Variants in FAM13A observed in about 807,000 individuals in gnomAD.
FAM13A encodes the protein protein FAM13A.
A neutral mutation model predicts 129.6 loss-of-function variants in FAM13A; 76 were observed. The ratio of observed to expected loss-of-function variants is 0.59; its 90% CI spans 0.49 to 0.71. The LOEUF is 0.71. FAM13A is among the 30% of genes least tolerant of loss of function. The pLI, the probability that FAM13A is intolerant of heterozygous loss-of-function variation, is 0.00. For missense variants in FAM13A, 1,108 were observed against 1,249.3 expected, an observed-to-expected ratio of 0.89 and a Z score of 1.70; for synonymous variants, 443 against 449.9, an observed-to-expected ratio of 0.98 and a Z score of 0.20.
At chr4:88,902,625 A>G (rs995971349) in intron 6 of FAM13A, among the ~76,000 whole-genome samples, 1 of 152,228 alleles carries the variant, frequency 6.6e-6, no homozygotes. Context: ...AATAAGAGCC[A>G]TATATGACAA....
At chr4:88,768,154 G>A (rs1245907749) in intron 11 of FAM13A, 95 bp from the exon 12 acceptor site, 4 of 655,602 alleles carry the variant, frequency 6.1e-6, no homozygotes, top group Middle Eastern at 2.8e-4. Flanking sequence ...CAAATAATAT[G>A]TATATATAAA....
chr4:89,027,203 A>G (rs559149238), intron 2 of FAM13A, among the ~76,000 whole-genome samples: 2 of 152,354 alleles, frequency 1.3e-5, no homozygotes, highest in South Asian at 4.1e-4. Flanking sequence ...ATTAACAACA[A>G]TAACTAATAA....
At position 88,758,833 on chromosome 4, in the gene FAM13A, G is replaced by C. The variant is rs201591729; in HGVS notation, c.1647C>G (p.Ala549=). ...SDTKQQRNQD[A]GDQEESFVSE... is the part of the protein sequence containing the mutation. ...AGACAAAGCTCTCCTCCTGGTCACC[G>C]GCATCTTGATTTCTCTGCTGTTTGG... Residue 549 remains alanine, a synonymous_variant, in exon 14 of 24, where the codon GCC becomes GCG. Transcript: ENST00000264344. 9 of 1,613,910 alleles carry C rather than the reference G, an allele frequency of 5.6e-6. No homozygotes were observed. The highest frequency in any genetic ancestry group is 7.6e-6 in the Non-Finnish European group (9 of 1,179,882).
intron 6 of FAM13A, chr4:88,855,560 AG>A (rs1411372792): frequency 6.6e-6 from 1 of 152,178 alleles, no homozygotes; most frequent in African/African-American, 2.4e-5. Context: ...AAAAGGAGGT[AG>A]ATATATACCT....
intron 10 of FAM13A, among the ~76,000 whole-genome samples, chr4:88,781,991 G>A (rs551860752): frequency 5.7e-4 from 74 of 128,796 alleles, no homozygotes; most frequent in Admixed American, 4.8e-3. Context: ...AAAGTATAAT[G>A]ATAATAAAAT....
intron 6 of FAM13A, among the ~76,000 whole-genome samples, chr4:88,881,859 CA>C (rs1743631547): frequency 6.6e-6 from 1 of 151,956 alleles, no homozygotes; most frequent in African/African-American, 2.4e-5. Context: ...GCGATAGAAT[CA>C]AACAGGTAGA....
intron 7 of FAM13A, among the ~76,000 whole-genome samples, chr4:88,808,916 T>A (rs1000554607): frequency 1.3e-5 from 2 of 152,160 alleles, no homozygotes; most frequent in African/African-American, 4.8e-5. Context: ...CATATAGACC[T>A]AAATAACAGT....
At chr4:88,991,205 A>C in intron 3 of FAM13A, 55 bp from the exon 4 acceptor site, 1 of 1,359,046 alleles carries the variant, frequency 7.4e-7, no homozygotes, top group African/African-American at 1.5e-5. Context: ...TAACAACAAC[A>C]AAAGCCCATA....
intron 7 of FAM13A, among the ~76,000 whole-genome samples, chr4:88,837,253 C>A (rs867876476): frequency 1.8e-4 from 27 of 151,472 alleles, no homozygotes; most frequent in African/African-American, 6.3e-4. Context: ...CCTCGGCCTC[C>A]CAAAGTGCTG....
intron 3 of FAM13A, among the ~76,000 whole-genome samples, chr4:88,995,570 C>T (rs140428388): frequency 7.2e-5 from 11 of 152,246 alleles, no homozygotes; most frequent in African/African-American, 2.6e-4. Context: ...TTACACCAGA[C>T]CCACTCTTGG....
chr4:88,852,287 G>A (rs1197918954), intron 6 of FAM13A, among the ~76,000 whole-genome samples: 1 of 151,674 alleles, frequency 6.6e-6, no homozygotes, highest in Non-Finnish European at 1.5e-5. Flanking sequence ...TCAGCCTCCT[G>A]AGTAGGTGGG....
intron 4 of FAM13A, among the ~76,000 whole-genome samples, chr4:88,961,348 T>C (rs888536146): frequency 1.2e-3 from 24 of 20,624 alleles, no homozygotes; most frequent in Non-Finnish European, 1.9e-3. Flanking sequence ...GGAATTTGCC[T>C]TTTTTTTTTT....
At chr4:88,795,196 T>C (rs1385922744) in intron 8 of FAM13A, among the ~76,000 whole-genome samples, 1 of 151,798 alleles carries the variant, frequency 6.6e-6, no homozygotes, top group East Asian at 1.9e-4. Context: ...CTGTGCATAA[T>C]ATACTAGAAT....
intron 13 of FAM13A, among the ~76,000 whole-genome samples, chr4:88,764,913 A>G (rs1477960801): frequency 1.3e-5 from 2 of 152,242 alleles, no homozygotes; most frequent in African/African-American, 4.8e-5. Context: ...TTATTGACCA[A>G]TGCCCATCTG....
At chr4:88,889,793 G>A (rs1421883165) in intron 6 of FAM13A, among the ~76,000 whole-genome samples, 1 of 152,154 alleles carries the variant, frequency 6.6e-6, no homozygotes. Flanking sequence ...TAGAATCACT[G>A]CTTAGGGTCT....
At chr4:89,030,551 G>A (rs568783981) in intron 1 of FAM13A, among the ~76,000 whole-genome samples, 2 of 152,260 alleles carry the variant, frequency 1.3e-5, no homozygotes, top group South Asian at 4.1e-4. Flanking sequence ...AATGAATGTA[G>A]CAGCTTACCA....
intron 4 of FAM13A, among the ~76,000 whole-genome samples, chr4:88,959,937 TA>T (rs528081854): frequency 6.2e-4 from 94 of 152,278 alleles, no homozygotes; most frequent in African/African-American, 2.1e-3. Flanking sequence ...CCTGCTTGCT[TA>T]ACTACCGCAT....
chr4:88,882,612 A>C (rs76095808), intron 6 of FAM13A, among the ~76,000 whole-genome samples: 4 of 151,938 alleles, frequency 2.6e-5, no homozygotes, highest in East Asian at 1.9e-4. Context: ...AAAAAAAAAA[A>C]CAAGGTCTTC....
chr4:88,957,841 C>T (rs1245116343), intron 4 of FAM13A, among the ~76,000 whole-genome samples: 9 of 152,204 alleles, frequency 5.9e-5, no homozygotes, highest in Admixed American at 5.9e-4. Flanking sequence ...AACTTGGCTG[C>T]ACTCTGCTCA....
Sources: allele counts gnomAD v4.1 joint callset (sites outside exome capture counted in the v4.1 genomes callset), GRCh38; gene constraint gnomAD v4.1.1; transcripts MANE v1.5; gene names NCBI Gene and HGNC (gene_info 2026-07-23, HGNC 2026-07-21).